ADORA2B: variants seen among roughly 807,000 people sequenced by gnomAD.
ADORA2B encodes the protein adenosine receptor A2b.
A neutral mutation model predicts 20.8 loss-of-function variants in ADORA2B; 18 were observed. That is an observed-to-expected ratio of 0.87 (90% CI 0.60 to 1.29). The LOEUF is 1.29. Among genes scored for constraint, ADORA2B ranks in the 50% most tolerant of loss-of-function variants. The pLI, the probability that ADORA2B is intolerant of heterozygous loss-of-function variation, is 0.00. For missense variants in ADORA2B, 441 were observed against 422.7 expected, an observed-to-expected ratio of 1.04 and a Z score of -0.38; for synonymous variants, 179 against 178.3, an observed-to-expected ratio of 1.00 and a Z score of -0.03.
chr17:15,902,536 A>G, the ADORA2B span, among the ~76,000 whole-genome samples: 1 of 152,200 alleles, frequency 6.6e-6, no homozygotes, highest in Non-Finnish European at 1.5e-5. Flanking sequence ...CAAATATCCC[A>G]TTGTACGGAT....
chr17:15,905,194 T>G, the ADORA2B span, among the ~76,000 whole-genome samples: 3 of 152,192 alleles, frequency 2.0e-5, no homozygotes, highest in African/African-American at 7.2e-5. Context: ...ATTTAGATAT[T>G]TGATTTCTTT....
At chr17:15,874,117 TACACACACAC>T in the ADORA2B span, among the ~76,000 whole-genome samples, 3 of 147,082 alleles carry the variant, frequency 2.0e-5, no homozygotes, top group South Asian at 6.4e-4. Flanking sequence ...CATATATACA[TACACACACAC>T]ACACACACAC....
At chr17:15,924,206 C>T in the ADORA2B span, among the ~76,000 whole-genome samples, 2 of 152,230 alleles carry the variant, frequency 1.3e-5, no homozygotes, top group Non-Finnish European at 2.9e-5. Flanking sequence ...AGCTACTGCA[C>T]CCAGCCCTTT....
chr17:15,868,009 T>C, the ADORA2B span, among the ~76,000 whole-genome samples: 1 of 149,756 alleles, frequency 6.7e-6, no homozygotes, highest in African/African-American at 2.5e-5. Flanking sequence ...GGGAGACTTT[T>C]CATTTTGTTC....
chr17:15,857,312 A>G, the ADORA2B span, among the ~76,000 whole-genome samples: 1 of 152,204 alleles, frequency 6.6e-6, no homozygotes, highest in African/African-American at 2.4e-5. Context: ...TGCTGCAGGG[A>G]TGGAACCCTC....
At chr17:15,868,498 T>C in the ADORA2B span, among the ~76,000 whole-genome samples, 11 of 138,308 alleles carry the variant, frequency 8.0e-5, 1 homozygote, top group East Asian at 2.0e-3. Context: ...CATGGCCGGG[T>C]GTGGTGGCTC....
chr17:15,851,938 A>C, the ADORA2B span, among the ~76,000 whole-genome samples: 38 of 152,334 alleles, frequency 2.5e-4, no homozygotes, highest in African/African-American at 8.9e-4. Context: ...CACTCTATAA[A>C]TTTTAAAGAT....
the ADORA2B span, among the ~76,000 whole-genome samples, chr17:15,928,246 C>T: frequency 2.3e-3 from 357 of 151,966 alleles, 2 homozygotes; most frequent in African/African-American, 8.3e-3. Context: ...GAGTGGGGAC[C>T]GAGGGCAGAT....
chr17:15,971,405 G>C (rs765983430), intron 1 of ADORA2B, among the ~76,000 whole-genome samples: 2 of 152,226 alleles, frequency 1.3e-5, no homozygotes, highest in African/African-American at 4.8e-5. Context: ...CAGGTCTTCT[G>C]TAGTATAGGG....
chr17:15,917,637 G>C, the ADORA2B span, among the ~76,000 whole-genome samples: 1 of 152,232 alleles, frequency 6.6e-6, no homozygotes, highest in Non-Finnish European at 1.5e-5. Flanking sequence ...CGCGCTCCCG[G>C]GGCCGGACTC....
chr17:15,951,473 A>G (rs1969901036), intron 1 of ADORA2B, among the ~76,000 whole-genome samples: 1 of 152,208 alleles, frequency 6.6e-6, no homozygotes. Context: ...CATTGTTAGC[A>G]CACAGTCCTC....
At chr17:15,902,091 T>C in the ADORA2B span, among the ~76,000 whole-genome samples, 5 of 152,212 alleles carry the variant, frequency 3.3e-5, no homozygotes, top group Non-Finnish European at 5.9e-5. Context: ...TGAATCTGAC[T>C]ACTCTAGTAC....
At chr17:15,863,906 A>G in the ADORA2B span, 1 of 152,250 alleles carries the variant, frequency 6.6e-6, no homozygotes, top group Non-Finnish European at 1.5e-5. Flanking sequence ...CATCAAATAC[A>G]TTATTAATGT....
chr17:15,900,956 ACAGT>A, the ADORA2B span, among the ~76,000 whole-genome samples: 1 of 152,126 alleles, frequency 6.6e-6, no homozygotes, highest in African/African-American at 2.4e-5. Flanking sequence ...TGTTGTAAAA[ACAGT>A]CAGAACGTGT....
the ADORA2B span, among the ~76,000 whole-genome samples, chr17:15,852,585 A>G: frequency 6.6e-6 from 1 of 152,224 alleles, no homozygotes; most frequent in Non-Finnish European, 1.5e-5. Flanking sequence ...AGATCCAGAT[A>G]TTAGACACGG....
chr17:15,970,003 C>T (rs1076424), intron 1 of ADORA2B, among the ~76,000 whole-genome samples: 15,161 of 152,256 alleles, frequency 0.1, 1,299 homozygotes, highest in African/African-American at 0.23. Flanking sequence ...CACTCCTCAA[C>T]CTTTAGCTTC....
At chr17:15,908,149 A>C in the ADORA2B span, among the ~76,000 whole-genome samples, 4 of 152,116 alleles carry the variant, frequency 2.6e-5, no homozygotes, top group Non-Finnish European at 4.4e-5. Flanking sequence ...GTGCAGTAAC[A>C]GAATCATGGC....
At chr17:15,912,825 C>T in the ADORA2B span, among the ~76,000 whole-genome samples, 1 of 152,366 alleles carries the variant, frequency 6.6e-6, no homozygotes, top group South Asian at 2.1e-4. Context: ...GGGAGGTTCC[C>T]ATCCTGTGGC....
At chr17:15,895,992 G>A in the ADORA2B span, among the ~76,000 whole-genome samples, 5 of 152,286 alleles carry the variant, frequency 3.3e-5, no homozygotes, top group East Asian at 9.6e-4. Context: ...AGTCCAGGGA[G>A]GTTATAAGGA....
Sources: allele counts gnomAD v4.1 joint callset (sites outside exome capture counted in the v4.1 genomes callset), GRCh38; gene constraint gnomAD v4.1.1; transcripts MANE v1.5; gene names NCBI Gene and HGNC (gene_info 2026-07-23, HGNC 2026-07-21).